The following EVC2 variants were observed in gnomAD, a reference collection of about 807,000 sequenced individuals.
EVC2 encodes EvC ciliary complex subunit 2.
EVC2 carries 148 observed loss-of-function variants against 149.3 expected under a neutral mutation model. The ratio of observed to expected loss-of-function variants is 0.99; its 90% CI spans 0.87 to 1.14. EVC2 has a LOEUF of 1.14. Ranked by LOEUF, EVC2 falls within the 50% of genes most tolerant of loss-of-function variation. The pLI, the probability that EVC2 is intolerant of heterozygous loss-of-function variation, is 0.00. For missense variants in EVC2, 1,854 were observed against 1,627.3 expected (o/e 1.14, Z -2.40); for synonymous variants, 776 against 649.9 (o/e 1.19, Z -2.95).
intron 11 of EVC2, among the ~76,000 whole-genome samples, chr4:5,630,719 C>T (rs1218124221): frequency 6.6e-6 from 1 of 152,168 alleles, no homozygotes; most frequent in Non-Finnish European, 1.5e-5. Context: ...CCAGATGCTG[C>T]TCCAAGGCCT....
Position 5,562,884 on chromosome 4 carries a change from A to G in EVC2, c.3891T>C (p.Asn1297=), listed in dbSNP as rs966509995. Reference sequence around the variant, plus strand: ...CCAAGGCCCTCATGGCCTTTTTGGCATTCAAAAAGTTCTTCTTTTTCCTGG... The same window carrying G: ...CCAAGGCCCTCATGGCCTTTTTGGCGTTCAAAAAGTTCTTCTTTTTCCTGG... The part of the protein sequence containing the change: ...VPPRKKKNFL[N]AKKAMRALGM... Residue 1297 remains asparagine (N), a synonymous_variant, in exon 22 of 22, where the codon AAT becomes AAC. Transcript: ENST00000344408. The surrounding 1 kb of genome is among the most constrained non-coding windows in gnomAD (Gnocchi z 4.3). 42 of 1,613,984 alleles carry G rather than the reference A, an allele frequency of 2.6e-5. No homozygotes were observed. Among genetic ancestry groups the G allele is most frequent in the Non-Finnish European group, 3.2e-5 (38 of 1,180,018 alleles).
rs1715126791 is a variant in EVC2, at chr4:5,614,945, C to G, written c.2829+477G>C. Among the ~76,000 whole-genome samples, 1 of 152,104 alleles carries G rather than the reference C, an allele frequency of 6.6e-6. No homozygotes were observed. Among genetic ancestry groups the G allele is most frequent in the Admixed American group, 6.5e-5 (1 of 15,268 alleles). On this transcript the variant is annotated intron_variant, in intron 16 of 21. Transcript: ENST00000344408. The surrounding 1 kb of genome is among the most constrained non-coding windows in gnomAD (Gnocchi z 4.7). ...TGAGCCGAGATCACACCACTGCACT[C>G]CAGCCTGGGTGACAGAGTAAGACTC...
intron 16 of EVC2, among the ~76,000 whole-genome samples, chr4:5,612,342 A>C (rs895117281): frequency 4.6e-5 from 7 of 152,114 alleles, no homozygotes; most frequent in Admixed American, 2.0e-4. Flanking sequence ...TCTTTCAATT[A>C]TTTCAGGATG....
Position 5,679,363 on chromosome 4 carries a change from G to C in EVC2, c.870+1897C>G, listed in dbSNP as rs1429340288. 6.6e-6 allele frequency among the ~76,000 whole-genome samples: 1 copy of C among 152,082 alleles called. No homozygotes were observed. The highest frequency in any genetic ancestry group is 6.5e-5 in the Admixed American group (1 of 15,268). On this transcript the variant is annotated intron_variant, in intron 7 of 21. Coordinates refer to ENST00000344408, the MANE Select transcript of EVC2 (RefSeq NM_147127.5). The surrounding 1 kb of genome is among the most constrained non-coding windows in gnomAD (Gnocchi z 5.1). ...CAATTCGCATGTCTCAGTCTCCCGA[G>C]TAGCTGGAATCACAGACACGCACCA...
At chr4:5,581,779 G>A (rs930402246) in intron 17 of EVC2, among the ~76,000 whole-genome samples, 4 of 152,212 alleles carry the variant, frequency 2.6e-5, no homozygotes, top group Admixed American at 2.0e-4. Flanking sequence ...AGTCCCAGAG[G>A]CCTAGGAGGG....
chr4:5,687,129 C>A (rs576281425), intron 5 of EVC2, among the ~76,000 whole-genome samples: 1 of 152,156 alleles, frequency 6.6e-6, no homozygotes, highest in East Asian at 1.9e-4. Context: ...TGGTGGCACA[C>A]GCCTGTAGAC....
chr4:5,614,400 AC>A lies in EVC2; in HGVS notation c.2829+1021del, dbSNP rs79086575. On this transcript the variant is annotated intron_variant, in intron 16 of 21. Transcript: ENST00000344408. The surrounding 1 kb of genome is among the most constrained non-coding windows in gnomAD (Gnocchi z 4.7). ...AGTTAACTGACACAGCGCCTGGGACACTGTTGCCTCCCCAAAATACTTGTGG... is the reference window on the plus strand; with the variant it reads ...AGTTAACTGACACAGCGCCTGGGACATGTTGCCTCCCCAAAATACTTGTGG... 7.2e-6 allele frequency among the ~76,000 whole-genome samples: 1 copy of A among 138,366 alleles called. No homozygotes were observed. The highest frequency in any genetic ancestry group is 3.2e-4 in the East Asian group (1 of 3,174). The allele number at this position is 138,366 out of a possible 152,430, so 90.8% of individuals were successfully genotyped here.
intron 17 of EVC2, among the ~76,000 whole-genome samples, chr4:5,577,805 C>T (rs1560134444): frequency 6.6e-6 from 1 of 152,170 alleles, no homozygotes; most frequent in Non-Finnish European, 1.5e-5. Flanking sequence ...ATGACCATCC[C>T]TCTCGCTGCA....
intron 10 of EVC2, among the ~76,000 whole-genome samples, chr4:5,639,073 CA>C (rs1461376952): frequency 6.6e-6 from 1 of 152,116 alleles, no homozygotes; most frequent in Non-Finnish European, 1.5e-5. Flanking sequence ...GCAGGCAGGA[CA>C]GCGAGGACCT....
the EVC2 span, among the ~76,000 whole-genome samples, chr4:5,532,601 C>T: frequency 1.3e-5 from 2 of 152,118 alleles, no homozygotes; most frequent in Admixed American, 6.5e-5. Flanking sequence ...GCCAGCAAGC[C>T]GGGGTCAGTT....
Position 5,677,094 on chromosome 4 carries a change from A to T in EVC2, c.870+4166T>A, listed in dbSNP as rs1438073048. ...CTCATGTGTAAATAATAGTAATAAT[A>T]CTGCTGACGACAACAGCTGACATTT... is the stretch of plus-strand genomic sequence containing the variant. On this transcript the variant is annotated intron_variant, in intron 7 of 21. Coordinates refer to ENST00000344408, the MANE Select transcript of EVC2 (RefSeq NM_147127.5). This position sits in a 1 kb window ranked among gnomAD's most constrained non-coding sequence, Gnocchi z 4.3. Among the ~76,000 whole-genome samples the T allele has an allele frequency of 6.6e-6, 1 of 152,118 alleles. No homozygotes were observed. The highest frequency in any genetic ancestry group is 2.4e-5 in the African/African-American group (1 of 41,412).
chr4:5,685,005 T>C (rs1008587219), intron 6 of EVC2, among the ~76,000 whole-genome samples: 7 of 152,220 alleles, frequency 4.6e-5, no homozygotes, highest in Admixed American at 1.3e-4. Flanking sequence ...TGTTTTTAAG[T>C]CTAGTCTGTG....
At chr4:5,592,885 A>C (rs1257513815) in intron 16 of EVC2, among the ~76,000 whole-genome samples, 1 of 152,146 alleles carries the variant, frequency 6.6e-6, no homozygotes, top group Non-Finnish European at 1.5e-5. Flanking sequence ...CTGTGTCCCC[A>C]CCCAAATCAC....
intron 15 of EVC2, among the ~76,000 whole-genome samples, chr4:5,616,035 G>A (rs1175382799): frequency 6.6e-6 from 1 of 152,234 alleles, no homozygotes; most frequent in East Asian, 1.9e-4. Flanking sequence ...GGCTGGGGCT[G>A]GGAGGGGATA....
intron 13 of EVC2, 136 bp from the exon 14 acceptor site, chr4:5,623,127 G>T (rs1157488210): frequency 1.1e-6 from 1 of 908,732 alleles, no homozygotes; most frequent in African/African-American, 1.7e-5. Context: ...AAGTTATTCT[G>T]GTTTTTTGTT....
chr4:5,551,108 A>G (rs954247316), intron 21 of EVC2, among the ~76,000 whole-genome samples: 14 of 152,196 alleles, frequency 9.2e-5, no homozygotes, highest in Non-Finnish European at 2.1e-4. Context: ...GTGGGGTTGG[A>G]GCACCCACAC....
intron 16 of EVC2, among the ~76,000 whole-genome samples, chr4:5,601,063 G>T (rs75690492): frequency 0.018 from 2,720 of 152,256 alleles, 70 homozygotes; most frequent in African/African-American, 0.062. Context: ...CTTTTTTGGG[G>T]GATTCAACTA....
At chr4:5,700,260 T>G (rs543641693) in intron 1 of EVC2, among the ~76,000 whole-genome samples, 1 of 152,340 alleles carries the variant, frequency 6.6e-6, no homozygotes, top group African/African-American at 2.4e-5. Context: ...AATCTAAAAC[T>G]CTTCTAAAAA....
Position 5,631,845 on chromosome 4 carries a change from T to C in EVC2, c.1658A>G (p.Glu553Gly), listed in dbSNP as rs766349604. The change falls in exon 11 of 22, where the codon GAA becomes GGA. Residue 553 changes from glutamate to glycine, a missense_variant. Transcript: ENST00000344408. ...TQIKSAIFKG[E>G]LKPEAAKMLL... ...CATTTTAGCTGCCTCTGGTTTCAAT[T>C]CCCCTTTGAAAATAGCACTTTTTAT... is the stretch of plus-strand genomic sequence containing the variant. 9.3e-6 allele frequency: 15 copies of C among 1,614,198 alleles called. No homozygotes were observed. The highest frequency in any genetic ancestry group is 1.2e-5 in the Non-Finnish European group (14 of 1,179,996).
Sources: gnomAD v4.1 joint callset for allele counts (sites outside exome capture counted in the v4.1 genomes callset) on GRCh38, gnomAD v4.1.1 for gene constraint, Gnocchi (gnomAD v3.1) non-coding constraint, MANE v1.5 for transcripts, NCBI Gene and HGNC (gene_info 2026-07-23, HGNC 2026-07-21) for gene names.